Variants in HS6ST3 observed in about 807,000 individuals in gnomAD.
HS6ST3 encodes heparan sulfate 6-O-sulfotransferase 3.
In HS6ST3, 12 loss-of-function variants were observed where a neutral mutation model predicts 36.7. That is an observed-to-expected ratio of 0.33 (90% CI 0.21 to 0.53). The LOEUF (loss-of-function observed/expected upper bound fraction) is 0.53. Ranked by LOEUF, HS6ST3 falls within the 20% of genes least tolerant of loss-of-function variation. The pLI, the probability that HS6ST3 is intolerant of heterozygous loss-of-function variation, is 0.95. For synonymous variants in HS6ST3, 240 were observed against 257.5 expected (o/e 0.93, Z 0.65); for missense variants, 584 against 640.9 (o/e 0.91, Z 0.96).
chr13:96,195,658 C>T (rs1447099106), intron 1 of HS6ST3, among the ~76,000 whole-genome samples: 1 of 152,166 alleles, frequency 6.6e-6, no homozygotes, highest in Non-Finnish European at 1.5e-5. Context: ...AGCTTGGTAG[C>T]CGACACCATG....
At chr13:96,367,992 C>T (rs952319029) in intron 1 of HS6ST3, among the ~76,000 whole-genome samples, 3 of 152,148 alleles carry the variant, frequency 2.0e-5, no homozygotes, top group Non-Finnish European at 4.4e-5. Flanking sequence ...TGTACGAAGT[C>T]GAAGAAAGTG....
At chr13:96,532,293 T>C (rs1174024596) in intron 1 of HS6ST3, among the ~76,000 whole-genome samples, 1 of 152,264 alleles carries the variant, frequency 6.6e-6, no homozygotes, top group Non-Finnish European at 1.5e-5. Flanking sequence ...CCTGCAACTG[T>C]ACTTTGATAT....
chr13:96,212,512 G>A (rs565803479), intron 1 of HS6ST3, among the ~76,000 whole-genome samples: 5 of 152,156 alleles, frequency 3.3e-5, no homozygotes, highest in South Asian at 4.1e-4. Context: ...AGTCAATTAC[G>A]TATTTTCAGA....
intron 1 of HS6ST3, among the ~76,000 whole-genome samples, chr13:96,734,123 A>G (rs1156688198): frequency 1.3e-5 from 2 of 152,212 alleles, no homozygotes; most frequent in Non-Finnish European, 2.9e-5. Context: ...TAAGCTGGCC[A>G]CTTCACTCAG....
At chr13:96,293,328 G>A (rs1289237391) in intron 1 of HS6ST3, among the ~76,000 whole-genome samples, 1 of 152,080 alleles carries the variant, frequency 6.6e-6, no homozygotes, top group Non-Finnish European at 1.5e-5. Context: ...AGGGCCATAA[G>A]TGGATTAATC....
chr13:96,636,307 G>A lies in HS6ST3; in HGVS notation c.708-196183G>A, dbSNP rs572638156. ...CATTTGTACAGAAATTGGTAGAAAG[G>A]CAGTTACTAAATAGTAAGTATGTGG... On this transcript the variant is annotated intron_variant, in intron 1 of 1. Coordinates refer to ENST00000376705, the MANE Select transcript of HS6ST3 (RefSeq NM_153456.4). 2.6e-5 allele frequency among the ~76,000 whole-genome samples: 4 copies of A among 152,282 alleles called. No homozygotes were observed. In the East Asian group the frequency reaches 5.8e-4, roughly 22 times the overall value.
At chr13:96,557,136 A>G (rs999612963) in intron 1 of HS6ST3, among the ~76,000 whole-genome samples, 7 of 152,336 alleles carry the variant, frequency 4.6e-5, no homozygotes, top group African/African-American at 1.7e-4. Flanking sequence ...ATCCAGATTC[A>G]ACAGACGTGT....
At chr13:96,191,747 A>C (rs1344754975) in intron 1 of HS6ST3, among the ~76,000 whole-genome samples, 1 of 152,240 alleles carries the variant, frequency 6.6e-6, no homozygotes, top group African/African-American at 2.4e-5. Flanking sequence ...TTTGTCAATC[A>C]AATGAATATA....
intron 1 of HS6ST3, among the ~76,000 whole-genome samples, chr13:96,445,160 C>T (rs1594781864): frequency 6.6e-6 from 1 of 152,054 alleles, no homozygotes; most frequent in East Asian, 1.9e-4. Context: ...ATAGGTCAAA[C>T]CTATTACATT....
At chr13:96,172,985 T>C (rs1206571877) in intron 1 of HS6ST3, among the ~76,000 whole-genome samples, 1 of 152,218 alleles carries the variant, frequency 6.6e-6, no homozygotes, top group Non-Finnish European at 1.5e-5. Context: ...GAGCAGCTGC[T>C]ATTTGCCAAA....
chr13:96,647,092 T>C, intron 1 of HS6ST3, among the ~76,000 whole-genome samples: 1 of 152,052 alleles, frequency 6.6e-6, no homozygotes, highest in East Asian at 1.9e-4. Context: ...GGTGGCCTTC[T>C]CTGCATCATC....
intron 1 of HS6ST3, among the ~76,000 whole-genome samples, chr13:96,625,394 G>T (rs115001094): frequency 0.055 from 8,392 of 152,140 alleles, 257 homozygotes; most frequent in Middle Eastern, 0.088. Context: ...CAATAGACTT[G>T]CTGGGCTCTA....
chr13:96,096,476 G>A (rs1257469226), intron 1 of HS6ST3, among the ~76,000 whole-genome samples: 7 of 152,160 alleles, frequency 4.6e-5, no homozygotes, highest in Non-Finnish European at 1.0e-4. Flanking sequence ...TGTAAGCTGA[G>A]TGTGGGGTAT....
intron 1 of HS6ST3, among the ~76,000 whole-genome samples, chr13:96,434,427 C>T (rs1012854547): frequency 2.0e-5 from 3 of 152,218 alleles, no homozygotes; most frequent in Admixed American, 6.5e-5. Context: ...CTGATGGCTG[C>T]CTTGGCCCTG....
intron 1 of HS6ST3, among the ~76,000 whole-genome samples, chr13:96,734,394 A>G (rs1876232641): frequency 6.6e-6 from 1 of 152,242 alleles, no homozygotes; most frequent in South Asian, 2.1e-4. Flanking sequence ...TTTCTCTTAC[A>G]TTAGTCCCAC....
At chr13:96,379,070 C>A (rs949430020) in intron 1 of HS6ST3, among the ~76,000 whole-genome samples, 11 of 152,074 alleles carry the variant, frequency 7.2e-5, no homozygotes, top group Non-Finnish European at 4.4e-5. Flanking sequence ...TTTTTTTAAC[C>A]ATCCTCTTTC....
chr13:96,431,790 T>C (rs985807951), intron 1 of HS6ST3, among the ~76,000 whole-genome samples: 3 of 152,242 alleles, frequency 2.0e-5, no homozygotes, highest in African/African-American at 7.2e-5. Flanking sequence ...AACGTTTGCC[T>C]ACGACATAGA....
chr13:96,230,696 T>C (rs2054503811), intron 1 of HS6ST3, among the ~76,000 whole-genome samples: 1 of 152,082 alleles, frequency 6.6e-6, no homozygotes, highest in African/African-American at 2.4e-5. Context: ...GGCATGAGTG[T>C]AGACTTCTCT....
At chr13:96,546,144 T>G (rs903801504) in intron 1 of HS6ST3, among the ~76,000 whole-genome samples, 15 of 152,106 alleles carry the variant, frequency 9.9e-5, no homozygotes, top group African/African-American at 3.6e-4. Context: ...ATTAATATCC[T>G]TGTAGTATAG....
Sources: allele counts gnomAD v4.1 joint callset (sites outside exome capture counted in the v4.1 genomes callset), GRCh38; gene constraint gnomAD v4.1.1; transcripts MANE v1.5; gene names NCBI Gene and HGNC (gene_info 2026-07-23, HGNC 2026-07-21).